LUZP2: variants seen among roughly 807,000 people sequenced by gnomAD.
The protein encoded by LUZP2 is leucine zipper protein 2.
In LUZP2, 52 loss-of-function variants were observed where a neutral mutation model predicts 51.6. The ratio of observed to expected loss-of-function variants is 1.01; its 90% CI spans 0.81 to 1.27. The LOEUF is 1.27. LUZP2 is among the 50% of genes most tolerant of loss of function. The pLI is 0.00. For synonymous variants in LUZP2, 154 were observed against 137.3 expected (o/e 1.12, Z -0.85); for missense variants, 436 against 395.4 (o/e 1.10, Z -0.87).
chr11:24,879,025 G>A (rs1164298544), intron 5 of LUZP2, among the ~76,000 whole-genome samples: 3 of 151,928 alleles, frequency 2.0e-5, no homozygotes, highest in Non-Finnish European at 4.4e-5. Flanking sequence ...GGAGTACAGT[G>A]GCTCAATCTC....
intron 1 of LUZP2, among the ~76,000 whole-genome samples, chr11:24,530,803 A>T (rs1590144065): frequency 4.3e-5 from 4 of 92,554 alleles, no homozygotes; most frequent in African/African-American, 7.4e-5. Context: ...TTTAGGGTTG[A>T]CTTTCATGAC....
intron 1 of LUZP2, among the ~76,000 whole-genome samples, chr11:24,582,349 T>TAATAGAAATAAATAGAGAGATG (rs974585359): frequency 7.8e-6 from 1 of 128,230 alleles, no homozygotes; most frequent in Non-Finnish European, 1.6e-5. Context: ...TCTGAGAGAT[T>TAATAGAAATAAATAGAGAGATG]AATAGAAATA....
intron 5 of LUZP2, among the ~76,000 whole-genome samples, chr11:24,827,600 A>G (rs1407669647): frequency 2.0e-5 from 3 of 152,148 alleles, no homozygotes; most frequent in African/African-American, 7.2e-5. Context: ...TTATAGCAGG[A>G]CAATATGACT....
intron 5 of LUZP2, among the ~76,000 whole-genome samples, chr11:24,790,716 AGTCTC>A (rs1437720477): frequency 6.6e-6 from 1 of 151,998 alleles, no homozygotes; most frequent in Non-Finnish European, 1.5e-5. Flanking sequence ...TGGCTAGGTT[AGTCTC>A]GTACTCCTGA....
rs1458086667 is a variant in LUZP2, at chr11:24,959,954, G to T, written c.523-16637G>T. 5.9e-5 allele frequency among the ~76,000 whole-genome samples: 9 copies of T among 152,238 alleles called. No homozygotes were observed. In the East Asian group the frequency reaches 1.7e-3, roughly 29 times the overall value. On this transcript the variant is annotated intron_variant, in intron 7 of 11. Transcript: ENST00000336930. ...ATACCTAATTTATTGAGAGTTTTTAGCATGAAGGTTGTTGAATTTTGTCAA... is the reference window on the plus strand; with the variant it reads ...ATACCTAATTTATTGAGAGTTTTTATCATGAAGGTTGTTGAATTTTGTCAA...
intron 9 of LUZP2, among the ~76,000 whole-genome samples, chr11:25,018,455 A>G (rs1318221819): frequency 6.6e-6 from 1 of 152,132 alleles, no homozygotes; most frequent in African/African-American, 2.4e-5. Context: ...GAATTCTCTC[A>G]TAAGGAATAT....
chr11:24,827,136 A>G (rs1204393530), intron 5 of LUZP2, among the ~76,000 whole-genome samples: 2 of 152,170 alleles, frequency 1.3e-5, no homozygotes, highest in African/African-American at 4.8e-5. Context: ...ATAAGATTGA[A>G]TGGCCAATTT....
At chr11:24,828,464 A>G (rs1850605782) in intron 5 of LUZP2, among the ~76,000 whole-genome samples, 1 of 152,086 alleles carries the variant, frequency 6.6e-6, no homozygotes, top group Admixed American at 6.6e-5. Context: ...AAAGTGTAAT[A>G]AAATTCTGAT....
chr11:24,825,121 A>C (rs1193119972), intron 5 of LUZP2, among the ~76,000 whole-genome samples: 1 of 152,154 alleles, frequency 6.6e-6, no homozygotes, highest in Non-Finnish European at 1.5e-5. Context: ...AATTTTATCC[A>C]AGATATTTAG....
chr11:24,749,314 C>T (rs141424024), intron 4 of LUZP2, among the ~76,000 whole-genome samples: 1 of 152,140 alleles, frequency 6.6e-6, no homozygotes, highest in Admixed American at 6.5e-5. Flanking sequence ...ATTTAAACAG[C>T]TTTAAAGTCA....
At chr11:24,822,026 T>G (rs1046740103) in intron 5 of LUZP2, among the ~76,000 whole-genome samples, 10 of 141,196 alleles carry the variant, frequency 7.1e-5, no homozygotes, top group South Asian at 2.3e-4. Flanking sequence ...TATGCAGGGG[T>G]TTTTTTTTTT....
chr11:24,921,315 A>C (rs1405403767), intron 7 of LUZP2, among the ~76,000 whole-genome samples: 1 of 152,058 alleles, frequency 6.6e-6, no homozygotes, highest in Non-Finnish European at 1.5e-5. Flanking sequence ...GGCCCAGGGG[A>C]TTGGTTTGAC....
intron 5 of LUZP2, among the ~76,000 whole-genome samples, chr11:24,793,746 A>G (rs894232037): frequency 2.6e-5 from 4 of 152,134 alleles, no homozygotes; most frequent in Non-Finnish European, 5.9e-5. Flanking sequence ...GTAATTACGT[A>G]TAAGTCTTTT....
intron 1 of LUZP2, among the ~76,000 whole-genome samples, chr11:24,519,925 A>G: frequency 6.6e-6 from 1 of 152,228 alleles, no homozygotes; most frequent in Non-Finnish European, 1.5e-5. Context: ...GTTCCTCTCT[A>G]GTAACTCAAT....
intron 1 of LUZP2, among the ~76,000 whole-genome samples, chr11:24,720,578 T>G (rs1858228264): frequency 6.6e-6 from 1 of 152,358 alleles, no homozygotes; most frequent in South Asian, 2.1e-4. Flanking sequence ...CATTACAAAT[T>G]ACTCCAAAGC....
intron 5 of LUZP2, among the ~76,000 whole-genome samples, chr11:24,854,680 A>G (rs1034170651): frequency 6.6e-6 from 1 of 152,062 alleles, no homozygotes; most frequent in Non-Finnish European, 1.5e-5. Context: ...AAAAAAAAAA[A>G]AAAAAACTCC....
At chr11:24,734,676 A>T (rs1858859485) in intron 3 of LUZP2, among the ~76,000 whole-genome samples, 1 of 151,968 alleles carries the variant, frequency 6.6e-6, no homozygotes, top group African/African-American at 2.4e-5. Context: ...AGAAATATAA[A>T]AATTGTGTGT....
chr11:24,719,056 A>G (rs946243258), intron 1 of LUZP2, among the ~76,000 whole-genome samples: 1 of 152,238 alleles, frequency 6.6e-6, no homozygotes, highest in Non-Finnish European at 1.5e-5. Flanking sequence ...AAGGAGACAG[A>G]TTCAAGCCCC....
chr11:24,580,278 A>G (rs1056598394), intron 1 of LUZP2, among the ~76,000 whole-genome samples: 1 of 152,102 alleles, frequency 6.6e-6, no homozygotes, highest in African/African-American at 2.4e-5. Flanking sequence ...CTGTTTAAGG[A>G]CATCATTGTT....
Sources: allele counts gnomAD v4.1 joint callset (sites outside exome capture counted in the v4.1 genomes callset), GRCh38; gene constraint gnomAD v4.1.1; transcripts MANE v1.5; gene names NCBI Gene and HGNC (gene_info 2026-07-23, HGNC 2026-07-21).